MECR: variants seen among roughly 807,000 people sequenced by gnomAD.
The protein encoded by MECR is enoyl-[acyl-carrier-protein] reductase, mitochondrial.
A neutral mutation model predicts 49.1 loss-of-function variants in MECR; 37 were observed. The observed-to-expected ratio is 0.75, with a 90% CI of 0.58 to 0.99. MECR has a LOEUF of 0.99. Among genes scored for constraint, MECR ranks in the 50% least tolerant of loss-of-function variants. The probability of loss-of-function intolerance (pLI) is 0.00; values close to 1 mark genes in which losing one functional copy is unlikely to be tolerated. For missense variants in MECR, 470 were observed against 479.6 expected (o/e 0.98, Z 0.19); for synonymous variants, 198 against 191.1 (o/e 1.04, Z -0.30).
downstream of MECR, among the ~76,000 whole-genome samples, chr1:29,192,090 CA>C (rs907597622): frequency 1.2e-4 from 17 of 142,316 alleles, no homozygotes; most frequent in East Asian, 1.0e-3. Context: ...GACTTCGTCT[CA>C]AAAAAAAAAA....
chr1:29,219,245 C>T (rs1680196358), intron 1 of MECR, among the ~76,000 whole-genome samples: 1 of 152,258 alleles, frequency 6.6e-6, no homozygotes, highest in African/African-American at 2.4e-5. Flanking sequence ...GGATTTCGGA[C>T]TAGCTGCCCC....
chr1:29,216,837 A>C, intron 1 of MECR, 152 bp from the exon 2 acceptor site: 2 of 1,470,410 alleles, frequency 1.4e-6, no homozygotes, highest in Non-Finnish European at 1.8e-6. Flanking sequence ...AGGTACCATA[A>C]GAAATCAACA....
At chr1:29,187,244 C>T in the MECR span, among the ~76,000 whole-genome samples, 1 of 152,176 alleles carries the variant, frequency 6.6e-6, no homozygotes, top group East Asian at 1.9e-4. Flanking sequence ...GACCGAGTCT[C>T]ACTCTGTTGC....
chr1:29,173,392 C>T, the MECR span: 1 of 151,466 alleles, frequency 6.6e-6, no homozygotes, highest in East Asian at 1.9e-4. Context: ...GATCCGCCCG[C>T]CTCGGCCTCC....
chr1:29,219,390 C>T (rs1456557070), intron 1 of MECR, among the ~76,000 whole-genome samples: 2 of 152,128 alleles, frequency 1.3e-5, no homozygotes, highest in African/African-American at 2.4e-5. Flanking sequence ...CTTCCTATAG[C>T]CCAGAATGTT....
At chr1:29,177,984 C>T in the MECR span, among the ~76,000 whole-genome samples, 5 of 147,780 alleles carry the variant, frequency 3.4e-5, no homozygotes, top group East Asian at 2.0e-4. Context: ...ACTGCAACCT[C>T]CACCTCCCAG....
At chr1:29,210,447 C>T (rs1435498589) in intron 3 of MECR, among the ~76,000 whole-genome samples, 1 of 152,206 alleles carries the variant, frequency 6.6e-6, no homozygotes, top group Non-Finnish European at 1.5e-5. Context: ...CCCGGACTGG[C>T]CTTCAAATCA....
Position 29,203,234 on chromosome 1 carries a change from C to T in MECR, c.551-1G>A, listed in dbSNP as rs1188921878. 6.4e-7 allele frequency: 1 copy of T among 1,572,822 alleles called. No individual in the cohort carries two copies. On this transcript the variant is annotated splice_acceptor_variant, in intron 4 of 9. Coordinates refer to ENST00000263702, the MANE Select transcript of MECR (RefSeq NM_016011.5). LOFTEE classifies it high-confidence loss of function. ...GATGCATTCTGGATGACAGAATCCC[C>T]TGTGGAGCCAGGAAGAGAACCAAAT...
chr1:29,215,670 G>T (rs1472361732), intron 3 of MECR, among the ~76,000 whole-genome samples: 1 of 150,992 alleles, frequency 6.6e-6, no homozygotes, highest in African/African-American at 2.4e-5. Context: ...AGGAGTTTGA[G>T]ACCCAGCCTG....
intron 8 of MECR, 33 bp downstream of exon 8, chr1:29,196,165 C>T: frequency 6.2e-7 from 1 of 1,613,622 alleles, no homozygotes; most frequent in Non-Finnish European, 8.5e-7. Flanking sequence ...TCTGGCCCGG[C>T]TCCAGGCATG....
At chr1:29,180,589 C>T in the MECR span, among the ~76,000 whole-genome samples, 2 of 152,116 alleles carry the variant, frequency 1.3e-5, no homozygotes, top group African/African-American at 2.4e-5. Flanking sequence ...TATATTACAA[C>T]TGTTGCAAAG....
intron 1 of MECR, chr1:29,220,878 G>C: frequency 1.0e-6 from 1 of 982,616 alleles, no homozygotes; most frequent in African/African-American, 1.7e-5. Flanking sequence ...ATCAGTTGTA[G>C]GAATATCCAA....
chr1:29,187,655 A>C, the MECR span, among the ~76,000 whole-genome samples: 1 of 150,866 alleles, frequency 6.6e-6, no homozygotes, highest in Non-Finnish European at 1.5e-5. Context: ...GCTGGAGTGC[A>C]GTGGTGCGAT....
chr1:29,204,688 G>A (rs1676146982), intron 4 of MECR, among the ~76,000 whole-genome samples: 1 of 152,230 alleles, frequency 6.6e-6, no homozygotes, highest in South Asian at 2.1e-4. Context: ...GAGGTGTGCA[G>A]TGGGTACTTA....
At chr1:29,182,067 G>C in the MECR span, 9 of 257,058 alleles carry the variant, frequency 3.5e-5, no homozygotes, top group Non-Finnish European at 6.5e-5. Flanking sequence ...GCTGCGGCAC[G>C]TCCTCGCGCG....
At chr1:29,208,369 T>C (rs1360453378) in intron 3 of MECR, among the ~76,000 whole-genome samples, 2 of 152,264 alleles carry the variant, frequency 1.3e-5, no homozygotes, top group East Asian at 3.8e-4. Flanking sequence ...TTTGCTATTC[T>C]GCTAGTTTGA....
chr1:29,186,946 CTTTT>C, the MECR span, among the ~76,000 whole-genome samples: 3 of 152,162 alleles, frequency 2.0e-5, no homozygotes, highest in Non-Finnish European at 4.4e-5. Flanking sequence ...CTAAGAATCT[CTTTT>C]TTCTCTTTCA....
At chr1:29,214,689 G>A (rs1678923213) in intron 3 of MECR, among the ~76,000 whole-genome samples, 1 of 152,164 alleles carries the variant, frequency 6.6e-6, no homozygotes, top group Admixed American at 6.5e-5. Context: ...GCAAGTTTGA[G>A]CTGGGTCGCT....
chr1:29,207,124 T>C (rs1273150120), intron 3 of MECR, among the ~76,000 whole-genome samples: 1 of 152,138 alleles, frequency 6.6e-6, no homozygotes, highest in Non-Finnish European at 1.5e-5. Flanking sequence ...TGTTATTCTT[T>C]TTAATTTTTT....
Sources: allele counts gnomAD v4.1 joint callset (sites outside exome capture counted in the v4.1 genomes callset), GRCh38; gene constraint gnomAD v4.1.1; transcripts MANE v1.5; gene names NCBI Gene and HGNC (gene_info 2026-07-23, HGNC 2026-07-21).